Variants in ZCRB1 observed in about 807,000 individuals in gnomAD.
ZCRB1 encodes zinc finger CCHC-type and RNA-binding motif-containing protein 1.
A neutral mutation model predicts 29.9 loss-of-function variants in ZCRB1; 21 were observed. The ratio of observed to expected loss-of-function variants is 0.70; its 90% CI spans 0.50 to 1.01. ZCRB1 has a LOEUF of 1.01. Among genes scored for constraint, ZCRB1 ranks in the 50% least tolerant of loss-of-function variants. The probability of loss-of-function intolerance (pLI) is 0.00; values close to 1 mark genes in which losing one functional copy is unlikely to be tolerated. For missense variants in ZCRB1, 204 were observed against 253.3 expected (o/e 0.81, Z 1.32); for synonymous variants, 77 against 80.0 (o/e 0.96, Z 0.20).
rs751813551 is a variant in ZCRB1 at position 42,324,074 on chromosome 12, C to G, written c.29G>C (p.Ser10Thr). 1 of 1,614,158 alleles carries G rather than the reference C, an allele frequency of 6.2e-7. No homozygotes were observed. The highest frequency in any genetic ancestry group is 8.5e-7 in the Non-Finnish European group (1 of 1,180,034). ...AGGCAAGTTGGATACATACACTGTG[C>G]TCTTACTTGGAGCCAATCCACCACT... MSGGLAPSK[S>T]TVYVSNLPFS... Residue 10 changes from serine (S) to threonine (T), a missense_variant, in exon 2 of 8, where the codon AGC becomes ACC. Transcript: ENST00000266529.
rs2068579696 is a variant in ZCRB1 at position 42,313,630 on chromosome 12, G to T, written c.522+60C>A. ...TGCCATGAGGTGATCAATGAAGTAAGCAAGCACTATAAACCAAGTCAACTA... is the reference window on the plus strand; with the variant it reads ...TGCCATGAGGTGATCAATGAAGTAATCAAGCACTATAAACCAAGTCAACTA... On this transcript the variant is annotated intron_variant, in intron 7 of 7. Coordinates refer to ENST00000266529, the MANE Select transcript of ZCRB1 (RefSeq NM_033114.4). 9 of 1,560,758 alleles carry T rather than the reference G, an allele frequency of 5.8e-6. No individual in the cohort carries two copies. In the South Asian group the frequency reaches 1.0e-4, roughly 18 times the overall value.
chr12:42,325,702 G>A, intron 1 of ZCRB1: 1 of 152,182 alleles, frequency 6.6e-6, no homozygotes, highest in East Asian at 1.9e-4. Flanking sequence ...TGTTATGGGG[G>A]AATTATTTAG....
intron 3 of ZCRB1, 98 bp downstream of exon 3, chr12:42,322,320 A>C: frequency 8.7e-7 from 1 of 1,155,112 alleles, no homozygotes. Flanking sequence ...TATTATATCA[A>C]GCATGTTTTA....
rs888390983 is a variant in ZCRB1, at chr12:42,325,997, T to C, written c.-76A>G. ...TCAGCTGGGGCTCAACCCCGACTCT[T>C]CGTAGCCGCTCGCAGCGGCCTTGGC... is the stretch of plus-strand genomic sequence containing the variant. On this transcript the variant is annotated 5_prime_UTR_variant, in exon 1 of 8. Transcript: ENST00000266529. 2 of 152,296 alleles carry C rather than the reference T, an allele frequency of 1.3e-5. No homozygotes were observed. Among genetic ancestry groups the C allele is most frequent in the African/African-American group, 4.8e-5 (2 of 41,470 alleles). 9.4% of individuals were successfully genotyped at this position (152,296 alleles called of 1,614,324 possible).
At chr12:42,317,242 G>C (rs756202274) in intron 5 of ZCRB1, 98 bp downstream of exon 5, 17 of 765,460 alleles carry the variant, frequency 2.2e-5, no homozygotes, top group East Asian at 5.6e-5. Flanking sequence ...TCATAATCTG[G>C]TTTAGCCAGT....
At chr12:42,318,664 T>C (rs933450068) in intron 3 of ZCRB1, among the ~76,000 whole-genome samples, 2 of 152,040 alleles carry the variant, frequency 1.3e-5, no homozygotes, top group East Asian at 3.9e-4. Context: ...TTTGGAGAAA[T>C]AGCGGATTCC....
At chr12:42,322,643 T>G (rs2068627544) in intron 2 of ZCRB1, among the ~76,000 whole-genome samples, 197 bp from the exon 3 acceptor site, 1 of 152,224 alleles carries the variant, frequency 6.6e-6, no homozygotes, top group Non-Finnish European at 1.5e-5. Flanking sequence ...CACATGTATC[T>G]GTCTGTTTCT....
chr12:42,321,133 G>C (rs1439233909), intron 3 of ZCRB1, among the ~76,000 whole-genome samples: 1 of 152,082 alleles, frequency 6.6e-6, no homozygotes, highest in Non-Finnish European at 1.5e-5. Flanking sequence ...TACTGACCTA[G>C]GTAAGCCTTC....
intron 2 of ZCRB1, among the ~76,000 whole-genome samples, chr12:42,323,349 C>T (rs560228513): frequency 1.1e-4 from 17 of 152,244 alleles, no homozygotes; most frequent in Middle Eastern, 6.8e-3. Context: ...TAAGGCACCT[C>T]GAGTGGGCTT....
At chr12:42,324,274 G>A (rs560366080) in intron 1 of ZCRB1, among the ~76,000 whole-genome samples, 170 bp from the exon 2 acceptor site, 1 of 151,878 alleles carries the variant, frequency 6.6e-6, no homozygotes, top group Non-Finnish European at 1.5e-5. Context: ...TCAGCCTCCC[G>A]AGTAGCTGGG....
chr12:42,325,110 T>C (rs921277467), intron 1 of ZCRB1, among the ~76,000 whole-genome samples: 2 of 152,214 alleles, frequency 1.3e-5, no homozygotes, highest in African/African-American at 4.8e-5. Flanking sequence ...AATATTTACA[T>C]AGCTAAACAC....
chr12:42,314,397 T>TAAAAAAAA lies in ZCRB1; in HGVS notation c.334-419_334-412dup, dbSNP rs71084639. On this transcript the variant is annotated intron_variant, in intron 5 of 7. Coordinates refer to ENST00000266529, the MANE Select transcript of ZCRB1 (RefSeq NM_033114.4). ...CAAAATGGTGAAATCCCGTCTCTAC[T>TAAAAAAAA]AAAAAAAAAAAAAAAAAAAAAAAAA... 3.6e-4 allele frequency among the ~76,000 whole-genome samples: 10 copies of TAAAAAAAA among 27,756 alleles called. 2 individuals carry two copies. The highest frequency in any genetic ancestry group is 8.1e-4 in the African/African-American group (5 of 6,202). The allele number at this position is 27,756 out of a possible 152,430, so 18.2% of individuals were successfully genotyped here.
Position 42,312,960 on chromosome 12 carries a change from A to T in ZCRB1, c.*107T>A. ...ATATCTTTTTTCTTGGGATGACAAT[A>T]ATAGTATTAACATGATAGTATTAAT... On this transcript the variant is annotated 3_prime_UTR_variant, in exon 8 of 8. Transcript: ENST00000266529. The T allele has an allele frequency of 9.1e-7, 1 of 1,101,754 alleles. No individual in the cohort carries two copies. Among genetic ancestry groups the T allele is most frequent in the African/African-American group, 1.6e-5 (1 of 61,994 alleles). 68.2% of individuals were successfully genotyped at this position (1,101,754 alleles called of 1,614,324 possible).
rs939473488 is a variant in ZCRB1 at position 42,314,079 on chromosome 12, A to G, written c.334-93T>C. 4.4e-6 allele frequency: 6 copies of G among 1,354,710 alleles called. No homozygotes were observed. In the Admixed American group the frequency reaches 1.4e-4, roughly 32 times the overall value. The allele number at this position is 1,354,710 out of a possible 1,614,324, so 83.9% of individuals were successfully genotyped here. ...GTACCTTATTACTAAAAAGTTTTCA[A>G]ATTTAAAAAGGAATATTCCCATACT... On this transcript the variant is annotated intron_variant, in intron 5 of 7. Coordinates refer to ENST00000266529, the MANE Select transcript of ZCRB1 (RefSeq NM_033114.4).
intron 5 of ZCRB1, among the ~76,000 whole-genome samples, chr12:42,315,306 T>C (rs1262917062): frequency 1.3e-5 from 2 of 152,170 alleles, no homozygotes; most frequent in Admixed American, 6.5e-5. Context: ...TAAGAGGTTA[T>C]GTCAGGGTAG....
At chr12:42,322,305 T>G in intron 3 of ZCRB1, 113 bp downstream of exon 3, 1 of 1,050,186 alleles carries the variant, frequency 9.5e-7, no homozygotes, top group South Asian at 1.7e-5. Context: ...TAATAGTATT[T>G]TCTTTATTAT....
At chr12:42,322,680 G>T (rs2068627713) in intron 2 of ZCRB1, among the ~76,000 whole-genome samples, 1 of 152,074 alleles carries the variant, frequency 6.6e-6, no homozygotes, top group African/African-American at 2.4e-5. Context: ...TAAATACAGA[G>T]AAAAAAACTC....
intron 7 of ZCRB1, 124 bp downstream of exon 7, chr12:42,313,566 T>C: frequency 1.0e-6 from 1 of 996,918 alleles, no homozygotes; most frequent in Non-Finnish European, 1.5e-6. Context: ...AAACAGCTTG[T>C]CTCCTAAGGC....
chr12:42,315,249 A>AT (rs1325376428), intron 5 of ZCRB1, among the ~76,000 whole-genome samples: 4 of 152,258 alleles, frequency 2.6e-5, no homozygotes, highest in African/African-American at 7.2e-5. Context: ...TTTGTAAAAC[A>AT]TAAGAGCTCA....
Sources: allele counts gnomAD v4.1 joint callset (sites outside exome capture counted in the v4.1 genomes callset), GRCh38; gene constraint gnomAD v4.1.1; transcripts MANE v1.5; gene names NCBI Gene and HGNC (gene_info 2026-07-23, HGNC 2026-07-21).